Variants in TSHZ2 observed in about 807,000 individuals in gnomAD.
TSHZ2 encodes teashirt homolog 2.
Under a neutral mutation model 74.4 loss-of-function variants are expected in TSHZ2, and 21 were observed. That is an observed-to-expected ratio of 0.28 (90% CI 0.20 to 0.41). The LOEUF (loss-of-function observed/expected upper bound fraction) is 0.41. Ranked by LOEUF, TSHZ2 falls within the 10% of genes least tolerant of loss-of-function variation. TSHZ2 has a pLI of 1.00. For missense variants in TSHZ2, 1,244 were observed against 1,293.5 expected, an observed-to-expected ratio of 0.96 and a Z score of 0.59; for synonymous variants, 540 against 515.3, an observed-to-expected ratio of 1.05 and a Z score of -0.65.
At chr20:53,306,148 C>T (rs1335998772) in intron 2 of TSHZ2, among the ~76,000 whole-genome samples, 3 of 152,092 alleles carry the variant, frequency 2.0e-5, no homozygotes, top group Admixed American at 1.3e-4. Flanking sequence ...TGTGCTTGCA[C>T]CACGGTCATA....
At chr20:53,307,388 G>A (rs115061821) in intron 2 of TSHZ2, among the ~76,000 whole-genome samples, 3,827 of 152,236 alleles carry the variant, frequency 0.025, 173 homozygotes, top group African/African-American at 0.086. Flanking sequence ...GGATGGGCTT[G>A]GGTGGTCTTT....
At chr20:53,215,194 C>T in intron 1 of TSHZ2, among the ~76,000 whole-genome samples, 1 of 152,066 alleles carries the variant, frequency 6.6e-6, no homozygotes, top group East Asian at 1.9e-4. Flanking sequence ...CAGCACTGAG[C>T]CCACTTTTCC....
chr20:53,378,390 T>C lies in TSHZ2; in HGVS notation c.*9-108754T>C, dbSNP rs534130199. Among the ~76,000 whole-genome samples, 9 of 148,758 alleles carry C rather than the reference T, an allele frequency of 6.1e-5. No individual in the cohort carries two copies. In the South Asian group the frequency reaches 1.7e-3, roughly 29 times the overall value. On this transcript the variant is annotated intron_variant, in intron 2 of 2. Coordinates refer to ENST00000371497, the MANE Select transcript of TSHZ2 (RefSeq NM_173485.6). ...TAATAATAATAATAATAGAACCTAA[T>C]GCAGAGCACAAGCTAAATGACTAGC...
At chr20:53,404,882 T>TA (rs1159753618) in intron 2 of TSHZ2, among the ~76,000 whole-genome samples, 1 of 143,904 alleles carries the variant, frequency 6.9e-6, no homozygotes, top group Admixed American at 7.0e-5. Flanking sequence ...TTAAAAGACT[T>TA]AAACAATTAT....
intron 2 of TSHZ2, among the ~76,000 whole-genome samples, chr20:53,356,538 A>T (rs1980853726): frequency 1.3e-5 from 2 of 152,370 alleles, no homozygotes; most frequent in South Asian, 4.1e-4. Flanking sequence ...CTCACAAATT[A>T]TGCAGCTAGT....
At chr20:53,469,042 A>ATT (rs763838684) in intron 2 of TSHZ2, among the ~76,000 whole-genome samples, 318 of 17,562 alleles carry the variant, frequency 0.018, 7 homozygotes, top group East Asian at 0.1. Context: ...TGAAATCGAT[A>ATT]TTTTATATAT....
At chr20:53,235,334 A>C (rs556780288) in intron 1 of TSHZ2, among the ~76,000 whole-genome samples, 1 of 151,116 alleles carries the variant, frequency 6.6e-6, no homozygotes, top group African/African-American at 2.4e-5. Flanking sequence ...TACCCAGCCA[A>C]TTTTTTTGTA....
rs182319801 is a variant in TSHZ2 at position 53,285,834 on chromosome 20, G to A, written c.*8+29263G>A. 8.5e-5 allele frequency among the ~76,000 whole-genome samples: 13 copies of A among 152,318 alleles called. No individual in the cohort carries two copies. The East Asian group carries it at 2.5e-3, about 29-fold the overall frequency. On this transcript the variant is annotated intron_variant, in intron 2 of 2. Transcript: ENST00000371497. ...ATATGTTTCCACAAAGGATCTGTCA[G>A]GACATCTTTGAGATTGGATTGATTC...
At chr20:53,445,761 A>G (rs1439577972) in intron 2 of TSHZ2, among the ~76,000 whole-genome samples, 1 of 152,238 alleles carries the variant, frequency 6.6e-6, no homozygotes, top group Non-Finnish European at 1.5e-5. Context: ...CCAAAGCAGC[A>G]AAGACACTAA....
At chr20:53,206,406 T>C (rs1003577569) in intron 1 of TSHZ2, 3 of 152,208 alleles carry the variant, frequency 2.0e-5, no homozygotes, top group African/African-American at 7.2e-5. Flanking sequence ...ATGATTTTTG[T>C]TCCTCAGCCC....
At chr20:53,240,007 A>G (rs963750492) in intron 1 of TSHZ2, among the ~76,000 whole-genome samples, 2 of 152,190 alleles carry the variant, frequency 1.3e-5, no homozygotes, top group Non-Finnish European at 2.9e-5. Context: ...ATGAAATTTC[A>G]AAGTACAAAG....
intron 1 of TSHZ2, among the ~76,000 whole-genome samples, chr20:53,081,159 G>A (rs1302624092): frequency 2.6e-5 from 4 of 152,084 alleles, no homozygotes. Context: ...GGGACTACAG[G>A]CATGTGCCAC....
chr20:53,125,649 C>A (rs1053024075), intron 1 of TSHZ2, among the ~76,000 whole-genome samples: 2 of 151,972 alleles, frequency 1.3e-5, no homozygotes, highest in Non-Finnish European at 2.9e-5. Context: ...CACCTGTGGA[C>A]CCCTTTTCAG....
At chr20:53,461,402 G>T (rs149485210) in intron 2 of TSHZ2, 2,251 of 154,288 alleles carry the variant, frequency 0.015, 50 homozygotes, top group African/African-American at 0.052. Context: ...TTTGGCTGGC[G>T]CACGGTGTGC....
intron 1 of TSHZ2, among the ~76,000 whole-genome samples, chr20:53,103,594 A>G (rs16997522): frequency 0.12 from 17,880 of 152,208 alleles, 1,098 homozygotes; most frequent in African/African-American, 0.13. Flanking sequence ...AGTTACCAAC[A>G]TTTTTAATAA....
intron 1 of TSHZ2, among the ~76,000 whole-genome samples, chr20:53,070,014 A>T (rs540453425): frequency 1.3e-5 from 2 of 152,182 alleles, no homozygotes; most frequent in African/African-American, 4.8e-5. Flanking sequence ...CAGGGAGGGG[A>T]GAAGGGAATA....
intron 1 of TSHZ2, among the ~76,000 whole-genome samples, chr20:52,994,146 G>A (rs1982088141): frequency 6.6e-6 from 1 of 152,158 alleles, no homozygotes; most frequent in South Asian, 2.1e-4. Flanking sequence ...AATTTACATT[G>A]TTTTCCGGCC....
chr20:53,217,819 A>T (rs1568818497), intron 1 of TSHZ2, among the ~76,000 whole-genome samples: 2 of 152,182 alleles, frequency 1.3e-5, no homozygotes, highest in Non-Finnish European at 2.9e-5. Flanking sequence ...TTACTATCTC[A>T]TTTAAGTTTC....
intron 1 of TSHZ2, among the ~76,000 whole-genome samples, chr20:53,121,027 T>C (rs997501319): frequency 2.0e-5 from 3 of 152,214 alleles, no homozygotes; most frequent in African/African-American, 7.2e-5. Flanking sequence ...TTTTGCTGTC[T>C]TTCAGACTCT....
Sources: gnomAD v4.1 joint callset for allele counts (sites outside exome capture counted in the v4.1 genomes callset) on GRCh38, gnomAD v4.1.1 for gene constraint, MANE v1.5 for transcripts, NCBI Gene and HGNC (gene_info 2026-07-23, HGNC 2026-07-21) for gene names.